Variants in ANKS6 observed in about 807,000 individuals in gnomAD.
ANKS6 encodes ankyrin repeat and sterile alpha motif domain containing 6.
In ANKS6, 47 loss-of-function variants were observed where a neutral mutation model predicts 77.9. The observed-to-expected ratio is 0.60, with a 90% CI of 0.48 to 0.77. The LOEUF (loss-of-function observed/expected upper bound fraction) is 0.77, where lower values mean the gene tolerates loss of function less well. Ranked by LOEUF, ANKS6 falls within the 30% of genes least tolerant of loss-of-function variation. The probability of loss-of-function intolerance (pLI) is 0.00; values close to 1 mark genes in which losing one functional copy is unlikely to be tolerated. For synonymous variants in ANKS6, 488 were observed against 501.7 expected (o/e 0.97, Z 0.37); for missense variants, 1,150 against 1,159.1 (o/e 0.99, Z 0.11).
Position 98,732,538 on chromosome 9 carries a change from A to G in ANKS6, c.*3981T>C. On this transcript the variant is annotated 3_prime_UTR_variant, in exon 15 of 15. Coordinates refer to ENST00000353234, the MANE Select transcript of ANKS6 (RefSeq NM_173551.5). The stretch of plus-strand genomic sequence containing the variant: ...GCCGGAGGCAGTTTCTTCTGGCCTC[A>G]CCCACCCAACCATGGCTACGTCAGG... 1 of 1,550,598 alleles carries G rather than the reference A, an allele frequency of 6.4e-7. No homozygotes were observed. The highest frequency in any genetic ancestry group is 8.7e-7 in the Non-Finnish European group (1 of 1,146,992).
intron 1 of ANKS6, among the ~76,000 whole-genome samples, chr9:98,795,465 C>G (rs932418587): frequency 3.3e-5 from 5 of 152,290 alleles, no homozygotes; most frequent in Middle Eastern, 3.4e-3. Flanking sequence ...CATCTGCCTT[C>G]TCTCCAGGGA....
At chr9:98,769,737 A>T (rs1833519998) in intron 10 of ANKS6, among the ~76,000 whole-genome samples, 1 of 152,178 alleles carries the variant, frequency 6.6e-6, no homozygotes, top group African/African-American at 2.4e-5. Context: ...GAGTTATCTA[A>T]CTGTCCTTAG....
chr9:98,787,838 A>G (rs1834658492), intron 2 of ANKS6, among the ~76,000 whole-genome samples: 1 of 152,238 alleles, frequency 6.6e-6, no homozygotes, highest in Non-Finnish European at 1.5e-5. Context: ...CAATGGGAAC[A>G]TGACCAGATC....
intron 11 of ANKS6, among the ~76,000 whole-genome samples, chr9:98,757,829 G>A (rs948313858): frequency 3.3e-5 from 5 of 152,136 alleles, no homozygotes; most frequent in Non-Finnish European, 5.9e-5. Context: ...TTGGGAGGCT[G>A]AGGCAGGAGA....
Position 98,735,722 on chromosome 9 carries a change from A to G in ANKS6, c.*797T>C, listed in dbSNP as rs892023115. The G allele has an allele frequency of 1.2e-4, 146 of 1,231,548 alleles. No homozygotes were observed. Among genetic ancestry groups the G allele is most frequent in the Non-Finnish European group, 1.4e-4 (141 of 987,974 alleles). The allele number at this position is 1,231,548 out of a possible 1,614,324, so 76.3% of individuals were successfully genotyped here. A position where few individuals can be genotyped will look rare whatever the true frequency, so the allele number is the denominator to read the frequency against. Reference sequence around the variant, plus strand: ...ATAAGGAAACTGAAAGCTAGGAAGAAGAAGGGATCCACACAGCAGGCCTCC... The same window carrying G: ...ATAAGGAAACTGAAAGCTAGGAAGAGGAAGGGATCCACACAGCAGGCCTCC... On this transcript the variant is annotated 3_prime_UTR_variant, in exon 15 of 15. Coordinates refer to ENST00000353234, the MANE Select transcript of ANKS6 (RefSeq NM_173551.5).
chr9:98,790,520 G>T lies in ANKS6; in HGVS notation c.446C>A (p.Thr149Asn), dbSNP rs773453306. ...AQNRLGASVLTVASRGGHLGV... is the reference protein window; with the variant it reads ...AQNRLGASVLNVASRGGHLGV... Reference sequence around the variant, plus strand: ...CAGGTGGCCGCCCCGAGAAGCCACAGTGAGCACACTGGCCCCCAGCCGGTT... The same window carrying T: ...CAGGTGGCCGCCCCGAGAAGCCACATTGAGCACACTGGCCCCCAGCCGGTT... Residue 149 changes from threonine (T) to asparagine (N), a missense_variant, in exon 2 of 15, where the codon ACT (threonine) becomes AAT (asparagine). Transcript: ENST00000353234. 3.1e-6 allele frequency: 5 copies of T among 1,613,562 alleles called. No individual in the cohort carries two copies. In the African/African-American group the frequency reaches 6.7e-5, roughly 22 times the overall value.
intron 14 of ANKS6, among the ~76,000 whole-genome samples, chr9:98,740,272 C>T (rs1831752156): frequency 6.6e-6 from 1 of 152,130 alleles, no homozygotes; most frequent in Admixed American, 6.5e-5. Context: ...TAAGATTCTC[C>T]CTTCATCCCA....
rs533871651 is a variant in ANKS6 at position 98,778,054 on chromosome 9, G to A, written c.1567+172C>T. 3.3e-5 allele frequency among the ~76,000 whole-genome samples: 5 copies of A among 152,246 alleles called. No individual in the cohort carries two copies. In the East Asian group the frequency reaches 9.6e-4, roughly 29 times the overall value. ...CACCTTCTCATTCTATCACACTCTT[G>A]GTGGTTGTGTCCCTGCCTAAGTATC... On this transcript the variant is annotated intron_variant, in intron 7 of 14. Transcript: ENST00000353234.
At position 98,784,052 on chromosome 9, in the gene ANKS6, T is replaced by C. The variant is rs1242923962; in HGVS notation, c.1013A>G (p.Gln338Arg). ...TPLMLAAVTG[Q>R]LALVQLLVER... is the part of the protein sequence containing the mutation. The stretch of plus-strand genomic sequence containing the variant: ...CACCAGCAGCTGCACCAGAGCCAGC[T>C]GCCCCGTAACAGCTGCTAGCATCAG... Residue 338 changes from glutamine to arginine, a missense_variant, in exon 4 of 15, where the codon CAG becomes CGG. Gln to Arg is a conservative substitution (Grantham distance 43). Coordinates refer to ENST00000353234, the MANE Select transcript of ANKS6 (RefSeq NM_173551.5). The C allele has an allele frequency of 3.7e-6, 6 of 1,611,768 alleles. No homozygotes were observed. The East Asian group carries it at 1.1e-4, about 30-fold the overall frequency.
chr9:98,771,498 C>T (rs1233578938), intron 9 of ANKS6, among the ~76,000 whole-genome samples: 1 of 152,336 alleles, frequency 6.6e-6, no homozygotes, highest in East Asian at 1.9e-4. Context: ...CTCCTCCCCA[C>T]ATCCTTTATG....
intron 8 of ANKS6, 77 bp downstream of exon 8, chr9:98,777,328 C>T (rs1442338537): frequency 6.7e-7 from 1 of 1,491,916 alleles, no homozygotes; most frequent in African/African-American, 1.4e-5. Context: ...AGACAAACAC[C>T]TACATCCCTC....
chr9:98,736,222 CG>C lies in ANKS6; in HGVS notation c.*296del. The C allele has an allele frequency of 8.3e-7, 1 of 1,206,134 alleles. No homozygotes were observed. The highest frequency in any genetic ancestry group is 1.0e-6 in the Non-Finnish European group (1 of 969,680). The allele number at this position is 1,206,134 out of a possible 1,614,324, so 74.7% of individuals were successfully genotyped here. A position where few individuals can be genotyped will look rare whatever the true frequency, so the allele number is the denominator to read the frequency against. On this transcript the variant is annotated 3_prime_UTR_variant, in exon 15 of 15. Transcript: ENST00000353234. ...AGCCAGAAGCAAACTCTGAGGCTCC[CG>C]GGGAGGGCAGAGCACAGGATGAAAG...
chr9:98,774,156 C>T, intron 8 of ANKS6, 76 bp from the exon 9 acceptor site: 2 of 1,298,260 alleles, frequency 1.5e-6, no homozygotes, highest in Non-Finnish European at 1.0e-6. Flanking sequence ...CCATGTTTTT[C>T]CTGCTTCTTG....
chr9:98,733,175 T>C lies in ANKS6; in HGVS notation c.*3344A>G. The C allele has an allele frequency of 1.0e-6, 1 of 981,178 alleles. No individual in the cohort carries two copies. The highest frequency in any genetic ancestry group is 1.2e-6 in the Non-Finnish European group (1 of 826,138). The allele number at this position is 981,178 out of a possible 1,614,324, so 60.8% of individuals were successfully genotyped here. ...GCGTACGAGTAGGGCTGGCACAGGGTAGATGCTCAGTAAACGTTCGGTAAA... is the reference window on the plus strand; with the variant it reads ...GCGTACGAGTAGGGCTGGCACAGGGCAGATGCTCAGTAAACGTTCGGTAAA... On this transcript the variant is annotated 3_prime_UTR_variant, in exon 15 of 15. Coordinates refer to ENST00000353234, the MANE Select transcript of ANKS6 (RefSeq NM_173551.5).
intron 8 of ANKS6, 27 bp from the exon 9 acceptor site, chr9:98,774,107 C>CA: frequency 2.8e-6 from 4 of 1,430,226 alleles, no homozygotes; most frequent in Non-Finnish European, 3.7e-6. Context: ...GAGGGTTAGA[C>CA]AAGCCCCCAG....
At chr9:98,784,736 T>C in intron 3 of ANKS6, 96 bp downstream of exon 3, 2 of 1,154,522 alleles carry the variant, frequency 1.7e-6, no homozygotes, top group Non-Finnish European at 2.5e-6. Context: ...CTTTCTCAAA[T>C]ACCCTGGGTG....
chr9:98,748,517 A>G (rs541769455), intron 13 of ANKS6, among the ~76,000 whole-genome samples: 49 of 152,284 alleles, frequency 3.2e-4, no homozygotes, highest in Admixed American at 1.1e-3. Flanking sequence ...GGTAAATGAG[A>G]TATAATAAAG....
rs151176139 is a variant in ANKS6 at position 98,736,382 on chromosome 9, C to T, written c.*137G>A. 132 of 1,432,406 alleles carry T rather than the reference C, an allele frequency of 9.2e-5. No homozygotes were observed. Among genetic ancestry groups the T allele is most frequent in the Non-Finnish European group, 1.0e-4 (115 of 1,095,442 alleles). The allele number at this position is 1,432,406 out of a possible 1,614,324, so 88.7% of individuals were successfully genotyped here. The stretch of plus-strand genomic sequence containing the variant: ...AAGTACTACCAATGAATGCCGTCGA[C>T]GTGAAGTGGGCATCCCGAGCAAAGG... On this transcript the variant is annotated 3_prime_UTR_variant, in exon 15 of 15. Transcript: ENST00000353234.
intron 12 of ANKS6, among the ~76,000 whole-genome samples, chr9:98,752,276 T>C (rs1373313094): frequency 6.6e-6 from 1 of 152,200 alleles, no homozygotes. Context: ...GCTATGCAGA[T>C]ATCTGGAGTA....
Sources: allele counts gnomAD v4.1 joint callset (sites outside exome capture counted in the v4.1 genomes callset), GRCh38; gene constraint gnomAD v4.1.1; transcripts MANE v1.5; gene names NCBI Gene and HGNC (gene_info 2026-07-23, HGNC 2026-07-21).